EYS: variants seen among roughly 807,000 people sequenced by gnomAD.
The protein encoded by EYS is protein eyes shut homolog.
A neutral mutation model predicts 282.1 loss-of-function variants in EYS; 250 were observed. The ratio of observed to expected loss-of-function variants is 0.89; its 90% CI spans 0.80 to 0.98. The LOEUF (loss-of-function observed/expected upper bound fraction) is 0.98, where lower values mean the gene tolerates loss of function less well. Among genes scored for constraint, EYS ranks in the 50% least tolerant of loss-of-function variants. The pLI is 0.00. For missense variants in EYS, 4,016 were observed against 3,709.0 expected (o/e 1.08, Z -2.15); for synonymous variants, 1,355 against 1,282.9 (o/e 1.06, Z -1.20).
chr6:64,660,498 A>C (rs971560207), intron 22 of EYS, among the ~76,000 whole-genome samples: 13 of 152,140 alleles, frequency 8.5e-5, no homozygotes, highest in African/African-American at 3.1e-4. Flanking sequence ...CGATCATCTC[A>C]GCCCAAAATC....
At chr6:63,806,493 T>A (rs1375363230) in intron 36 of EYS, 121 bp from the exon 37 acceptor site, 2 of 826,030 alleles carry the variant, frequency 2.4e-6, no homozygotes, top group Non-Finnish European at 3.6e-6. Context: ...TAATTATACT[T>A]TAGTGCCCTT....
chr6:65,466,903 G>A (rs9354251), intron 5 of EYS, among the ~76,000 whole-genome samples: 28,405 of 152,126 alleles, frequency 0.19, 3,290 homozygotes, highest in Middle Eastern at 0.3. Context: ...GCTCTTAAGG[G>A]CAGTAGCAGC....
chr6:64,821,372 T>C (rs971525291), intron 21 of EYS, among the ~76,000 whole-genome samples: 3 of 151,922 alleles, frequency 2.0e-5, no homozygotes, highest in Non-Finnish European at 2.9e-5. Context: ...TGGATACTTC[T>C]AGGATTTAGT....
At chr6:63,794,840 C>T (rs1164439045) in intron 37 of EYS, among the ~76,000 whole-genome samples, 1 of 152,184 alleles carries the variant, frequency 6.6e-6, no homozygotes, top group Non-Finnish European at 1.5e-5. Flanking sequence ...ATGCAGAACA[C>T]AAACCCACAG....
At chr6:64,413,041 C>T (rs575550133) in intron 28 of EYS, among the ~76,000 whole-genome samples, 16 of 152,256 alleles carry the variant, frequency 1.1e-4, no homozygotes, top group South Asian at 6.2e-4. Flanking sequence ...AACTCCTATA[C>T]AGGCTGCAAG....
intron 11 of EYS, among the ~76,000 whole-genome samples, chr6:65,315,965 T>C (rs1195552078): frequency 2.0e-5 from 3 of 151,934 alleles, no homozygotes; most frequent in African/African-American, 7.3e-5. Context: ...TGGTAAATAG[T>C]AGTAGTATCT....
rs147311823 is a variant in EYS at position 63,935,350 on chromosome 6, C to A, written c.7055+49033G>T. ...CTTTCTGGCCACATGCCCTCTTAGA[C>A]AGCACTTATCTGTTATGAGCTGAAT... On this transcript the variant is annotated intron_variant, in intron 35 of 42. Transcript: ENST00000503581. 2.8e-3 allele frequency among the ~76,000 whole-genome samples: 428 copies of A among 152,346 alleles called. 3 individuals are homozygous for A. The highest frequency in any genetic ancestry group is 9.7e-3 in the African/African-American group (404 of 41,590).
At chr6:64,523,893 T>C (rs1293855959) in intron 26 of EYS, among the ~76,000 whole-genome samples, 1 of 151,778 alleles carries the variant, frequency 6.6e-6, no homozygotes, top group Admixed American at 6.6e-5. Context: ...GCCAAAATAC[T>C]GAAATTGAAA....
chr6:64,682,532 G>T (rs1367661973), intron 22 of EYS, among the ~76,000 whole-genome samples: 1 of 152,110 alleles, frequency 6.6e-6, no homozygotes, highest in Non-Finnish European at 1.5e-5. Context: ...AGACAAAATG[G>T]CAGAGTATGA....
chr6:64,544,512 C>T (rs1015114188), intron 26 of EYS, among the ~76,000 whole-genome samples: 1 of 152,204 alleles, frequency 6.6e-6, no homozygotes. Flanking sequence ...TGAACAGAAG[C>T]TGGAGATGGA....
At chr6:64,695,341 T>C (rs1176910328) in intron 22 of EYS, among the ~76,000 whole-genome samples, 2 of 152,130 alleles carry the variant, frequency 1.3e-5, no homozygotes, top group African/African-American at 2.4e-5. Context: ...CATCTGCTGA[T>C]ACCAATTCAT....
At chr6:65,348,247 C>G (rs1399343879) in intron 9 of EYS, among the ~76,000 whole-genome samples, 3 of 151,768 alleles carry the variant, frequency 2.0e-5, no homozygotes, top group South Asian at 2.1e-4. Flanking sequence ...GAGTATATAC[C>G]TAGCAGTGGG....
chr6:64,662,220 C>G (rs1769056053), intron 22 of EYS, among the ~76,000 whole-genome samples: 1 of 111,170 alleles, frequency 9.0e-6, no homozygotes, highest in African/African-American at 3.7e-5. Flanking sequence ...ACATCACACA[C>G]TGGGGCCTGT....
intron 1 of EYS, among the ~76,000 whole-genome samples, chr6:65,668,251 A>G (rs1768266874): frequency 6.6e-6 from 1 of 151,890 alleles, no homozygotes; most frequent in Non-Finnish European, 1.5e-5. Context: ...TTCTTCACAT[A>G]TGTGTTTAAA....
At chr6:64,096,327 A>G (rs1399604864) in intron 31 of EYS, among the ~76,000 whole-genome samples, 1 of 152,194 alleles carries the variant, frequency 6.6e-6, no homozygotes, top group Non-Finnish European at 1.5e-5. Context: ...GTTCTCCTGG[A>G]TAATATACTG....
At chr6:65,251,013 A>C (rs549920975) in intron 12 of EYS, among the ~76,000 whole-genome samples, 16 of 149,170 alleles carry the variant, frequency 1.1e-4, no homozygotes, top group Admixed American at 2.7e-4. Context: ...TCCGGAAAAT[A>C]GATAAGAAAA....
intron 30 of EYS, among the ~76,000 whole-genome samples, chr6:64,233,232 C>G (rs1266960545): frequency 6.6e-6 from 1 of 152,088 alleles, no homozygotes; most frequent in Non-Finnish European, 1.5e-5. Flanking sequence ...ATCAGGATCA[C>G]AAATCAATTT....
In EYS at chr6:64,705,214, C is replaced by T. The variant is rs112221166; in HGVS notation, c.3444-78969G>A. ...CAAGCTGAGAATCAAATTAAGAACT[C>T]AACCCCTTTTACAATAGCTGCCAAA... On this transcript the variant is annotated intron_variant, in intron 22 of 42. Coordinates refer to ENST00000503581, the MANE Select transcript of EYS (RefSeq NM_001142800.2). Among the ~76,000 whole-genome samples the T allele has an allele frequency of 5.3e-3, 807 of 152,254 alleles. 8 individuals are homozygous for T. Among genetic ancestry groups the T allele is most frequent in the Non-Finnish European group, 7.3e-3 (499 of 68,012 alleles).
chr6:64,728,770 T>C (rs1180218605), intron 22 of EYS: 1 of 152,280 alleles, frequency 6.6e-6, no homozygotes, highest in South Asian at 2.1e-4. Context: ...CAGTCTTCAC[T>C]GTCTGCACCC....
Sources: gnomAD v4.1 joint callset for allele counts (sites outside exome capture counted in the v4.1 genomes callset) on GRCh38, gnomAD v4.1.1 for gene constraint, MANE v1.5 for transcripts, NCBI Gene and HGNC (gene_info 2026-07-23, HGNC 2026-07-21) for gene names.